Variants in DEPDC5 observed in about 807,000 individuals in gnomAD.
DEPDC5 encodes GATOR1 complex protein DEPDC5.
In DEPDC5, 73 loss-of-function variants were observed where a neutral mutation model predicts 217.3. The ratio of observed to expected loss-of-function variants is 0.34; its 90% CI spans 0.28 to 0.41. The LOEUF (loss-of-function observed/expected upper bound fraction) is 0.41. Among genes scored for constraint, DEPDC5 ranks in the 10% least tolerant of loss-of-function variants. The pLI is 1.00. For synonymous variants in DEPDC5, 733 were observed against 756.7 expected (o/e 0.97, Z 0.51); for missense variants, 1,675 against 2,070.1 (o/e 0.81, Z 3.70).
intron 27 of DEPDC5, among the ~76,000 whole-genome samples, chr22:31,839,384 A>G (rs927023521): frequency 2.0e-5 from 3 of 152,220 alleles, no homozygotes. Flanking sequence ...AGAGCCAGGC[A>G]ATGGAGAGCT....
intron 24 of DEPDC5, among the ~76,000 whole-genome samples, chr22:31,824,941 A>C (rs1333270968): frequency 2.0e-5 from 3 of 149,860 alleles, no homozygotes; most frequent in East Asian, 3.9e-4. Context: ...GTGCCACTGC[A>C]CTCCAGCCTG....
rs764462476 is a variant in DEPDC5, at chr22:31,893,731, G to A, written c.4183G>A (p.Ala1395Thr). ...EIKLHWMAVT[A>T]AVLFEMVQGW... ...CAAGCTGCACTGGATGGCGGTGACC[G>A]CAGCAGTACTCTTCGAGATGGTGAG... is the stretch of plus-strand genomic sequence containing the variant. Residue 1395 changes from alanine to threonine, a missense_variant, in exon 39 of 43, where the codon GCA (alanine) becomes ACA (threonine). Physicochemically the swap from Ala to Thr is moderately conservative, Grantham distance 58 (BLOSUM62 0). Transcript: ENST00000651528. 4.0e-5 allele frequency: 65 copies of A among 1,607,870 alleles called. No individual in the cohort carries two copies. Among genetic ancestry groups the A allele is most frequent in the Middle Eastern group, 3.3e-4 (2 of 6,046 alleles).
Position 31,906,910 on chromosome 22 carries a change from G to A in DEPDC5, c.*413G>A. On this transcript the variant is annotated 3_prime_UTR_variant, in exon 43 of 43. Transcript: ENST00000651528. The surrounding 1 kb of genome is among the most constrained non-coding windows in gnomAD (Gnocchi z 5.1). Reference sequence around the variant, plus strand: ...AGAATCTGCCACTTCTTGCCCAGGAGTGTGCACAGATGTAAGATAATTTTG... The same window carrying A: ...AGAATCTGCCACTTCTTGCCCAGGAATGTGCACAGATGTAAGATAATTTTG... 3.4e-6 allele frequency: 1 copy of A among 297,870 alleles called. No individual in the cohort carries two copies. The highest frequency in any genetic ancestry group is 4.5e-5 in the South Asian group (1 of 22,040). The allele number at this position is 297,870 out of a possible 1,614,324, so 18.5% of individuals were successfully genotyped here.
intron 34 of DEPDC5, among the ~76,000 whole-genome samples, chr22:31,872,617 T>C (rs977224168): frequency 2.0e-5 from 3 of 152,222 alleles, no homozygotes; most frequent in African/African-American, 7.2e-5. Context: ...CCCAGAGCAG[T>C]CCAGGGGGTT....
chr22:31,756,631 C>T (rs1054562649), intron 2 of DEPDC5, among the ~76,000 whole-genome samples: 1 of 152,108 alleles, frequency 6.6e-6, no homozygotes, highest in Non-Finnish European at 1.5e-5. Flanking sequence ...GGTCAAAATA[C>T]AACTAACAGC....
intron 40 of DEPDC5, among the ~76,000 whole-genome samples, chr22:31,901,100 G>A (rs1468556604): frequency 6.6e-6 from 1 of 151,894 alleles, no homozygotes; most frequent in African/African-American, 2.4e-5. Context: ...AAAGTTAGCC[G>A]GGTGTGGTGG....
rs1057326686 is a variant in DEPDC5, at chr22:31,879,865, C to T, written c.4033+113C>T. The stretch of plus-strand genomic sequence containing the variant: ...GAACCAGGATTAGAGTCGCTGAGGC[C>T]GTCACACAGGCCACTGTGTCTGTCG... On this transcript the variant is annotated intron_variant, in intron 38 of 42. Coordinates refer to ENST00000651528, the MANE Select transcript of DEPDC5 (RefSeq NM_001242896.3). 8 of 1,045,456 alleles carry T rather than the reference C, an allele frequency of 7.7e-6. No individual in the cohort carries two copies. The African/African-American group carries it at 7.9e-5, about 10-fold the overall frequency. The allele number at this position is 1,045,456 out of a possible 1,614,324, so 64.8% of individuals were successfully genotyped here. A position where few individuals can be genotyped will look rare whatever the true frequency, so the allele number is the denominator to read the frequency against.
At chr22:31,797,511 A>T in intron 12 of DEPDC5, 89 bp from the exon 13 acceptor site, 1 of 1,043,906 alleles carries the variant, frequency 9.6e-7, no homozygotes, top group Non-Finnish European at 1.5e-6. Flanking sequence ...ACACATGGGT[A>T]TTACAATTTG....
intron 38 of DEPDC5, among the ~76,000 whole-genome samples, chr22:31,881,086 G>A (rs1194315923): frequency 1.3e-5 from 2 of 151,954 alleles, no homozygotes; most frequent in East Asian, 3.9e-4. Flanking sequence ...TGAGGTGGGT[G>A]GATCACCTGA....
In DEPDC5 at chr22:31,771,760, CACACA is replaced by C. The variant is rs2083385895; in HGVS notation, c.413+2898_413+2902del. Among the ~76,000 whole-genome samples, 5 of 136,472 alleles carry C rather than the reference CACACA, an allele frequency of 3.7e-5. No individual in the cohort carries two copies. The South Asian group carries it at 1.4e-3, about 37-fold the overall frequency. 89.5% of individuals were successfully genotyped at this position (136,472 alleles called of 152,430 possible). A position where few individuals can be genotyped will look rare whatever the true frequency, so the allele number is the denominator to read the frequency against. The stretch of plus-strand genomic sequence containing the variant: ...ACACACACACACACACACACACACA[CACACA>C]CACACACACACACACAGTTAGGACT... On this transcript the variant is annotated intron_variant, in intron 7 of 42. Coordinates refer to ENST00000651528, the MANE Select transcript of DEPDC5 (RefSeq NM_001242896.3).
Position 31,771,715 on chromosome 22 carries a change from TCACACACACACACACACACACACACA to T in DEPDC5, c.413+2893_413+2918del, listed in dbSNP as rs55851105. 4.5e-3 allele frequency among the ~76,000 whole-genome samples: 351 copies of T among 78,088 alleles called. 3 individuals carry two copies. The highest frequency in any genetic ancestry group is 0.026 in the Middle Eastern group (4 of 156). The allele number at this position is 78,088 out of a possible 152,430, so 51.2% of individuals were successfully genotyped here. A position where few individuals can be genotyped will look rare whatever the true frequency, so the allele number is the denominator to read the frequency against. ...AGCCTGGTGACAGAGCAAGACTCCG[TCACACACACACACACACACACACACA>T]CACACACACACACACACACACACAC... is the stretch of plus-strand genomic sequence containing the variant. On this transcript the variant is annotated intron_variant, in intron 7 of 42. Transcript: ENST00000651528.
chr22:31,768,782 C>T (rs749671626), intron 6 of DEPDC5, 32 bp from the exon 7 acceptor site: 1 of 1,584,564 alleles, frequency 6.3e-7, no homozygotes, highest in Non-Finnish European at 8.6e-7. Flanking sequence ...CCCTCCCTCC[C>T]TCTCTCTACC....
chr22:31,768,852 T>C lies in DEPDC5; in HGVS notation c.402T>C (p.Phe134=). ...TCAYITQKVE[F]AGIRAQAGEL... ...CCTATATCACCCAGAAGGTGGAGTT[T>C]GCTGGCATCAGGTAGATATTACATC... Residue 134 remains phenylalanine (F), a synonymous_variant, in exon 7 of 43, where the codon TTT becomes TTC. Transcript: ENST00000651528. 1 of 1,613,946 alleles carries C rather than the reference T, an allele frequency of 6.2e-7. No homozygotes were observed.
intron 38 of DEPDC5, chr22:31,891,248 T>C: frequency 1.8e-6 from 1 of 551,698 alleles, no homozygotes. Flanking sequence ...GTTCTAGTCC[T>C]TTCTCTTTAA....
At chr22:31,834,010 G>C in intron 25 of DEPDC5, 30 bp downstream of exon 25, 2 of 1,607,584 alleles carry the variant, frequency 1.2e-6, no homozygotes, top group Non-Finnish European at 1.7e-6. Context: ...TGGGGAAAGG[G>C]GTAGACAGGG....
intron 24 of DEPDC5, among the ~76,000 whole-genome samples, chr22:31,828,621 A>G (rs2090349634): frequency 6.6e-6 from 1 of 151,840 alleles, no homozygotes; most frequent in African/African-American, 2.4e-5. Flanking sequence ...CCTTTTTTTC[A>G]AAGACTTGGG....
intron 8 of DEPDC5, among the ~76,000 whole-genome samples, chr22:31,780,660 A>T (rs1460280860): frequency 6.6e-6 from 1 of 152,052 alleles, no homozygotes; most frequent in Non-Finnish European, 1.5e-5. Context: ...TAGTCTCAGG[A>T]TTCCCTGCTT....
intron 40 of DEPDC5, 70 bp from the exon 41 acceptor site, chr22:31,901,672 G>T: frequency 7.2e-7 from 1 of 1,388,530 alleles, no homozygotes; most frequent in Non-Finnish European, 1.0e-6. Flanking sequence ...AAAGGGTACA[G>T]AAGACTGGCC....
intron 31 of DEPDC5, among the ~76,000 whole-genome samples, chr22:31,847,338 C>T (rs1255648202): frequency 1.3e-5 from 2 of 149,320 alleles, no homozygotes; most frequent in Non-Finnish European, 3.0e-5. Flanking sequence ...GCCAACATGG[C>T]AAAACCCCAT....
Sources: gnomAD v4.1 joint callset for allele counts (sites outside exome capture counted in the v4.1 genomes callset) on GRCh38, gnomAD v4.1.1 for gene constraint, Gnocchi (gnomAD v3.1) non-coding constraint, MANE v1.5 for transcripts, NCBI Gene and HGNC (gene_info 2026-07-23, HGNC 2026-07-21) for gene names.